Variants in DYSF observed in about 807,000 individuals in gnomAD.
DYSF encodes the protein dysferlin.
In DYSF, 212 loss-of-function variants were observed where a neutral mutation model predicts 274.9. The ratio of observed to expected loss-of-function variants is 0.77; its 90% CI spans 0.69 to 0.86. DYSF has a LOEUF of 0.86. Among genes scored for constraint, DYSF ranks in the 40% least tolerant of loss-of-function variants. The pLI is 0.00. For synonymous variants in DYSF, 1,091 were observed against 1,078.7 expected (o/e 1.01, Z -0.22); for missense variants, 2,666 against 2,783.2 (o/e 0.96, Z 0.95).
chr2:71,657,632 G>A (rs188201200), intron 43 of DYSF, among the ~76,000 whole-genome samples: 47 of 152,222 alleles, frequency 3.1e-4, no homozygotes, highest in African/African-American at 1.0e-3. Context: ...CCAAACCTCA[G>A]TTCTTGACTT....
intron 1 of DYSF, among the ~76,000 whole-genome samples, chr2:71,474,616 GTTTC>G (rs1246596665): frequency 6.6e-6 from 1 of 152,102 alleles, no homozygotes; most frequent in Non-Finnish European, 1.5e-5. Context: ...TGAATGTTTC[GTTTC>G]TTTCTTTCTC....
At chr2:71,514,335 A>G (rs1311135491) in intron 7 of DYSF, among the ~76,000 whole-genome samples, 1 of 152,134 alleles carries the variant, frequency 6.6e-6, no homozygotes, top group East Asian at 1.9e-4. Context: ...GTCTACTCAG[A>G]CCTGCTCTAC....
At chr2:71,461,804 A>G (rs1257012447), upstream of DYSF, among the ~76,000 whole-genome samples, 1 of 152,226 alleles carries the variant, frequency 6.6e-6, no homozygotes, top group African/African-American at 2.4e-5. Flanking sequence ...AGGATGATTT[A>G]GGCTGCAAGC....
chr2:71,543,378 T>G, intron 17 of DYSF, among the ~76,000 whole-genome samples: 2 of 129,328 alleles, frequency 1.5e-5, no homozygotes, highest in African/African-American at 3.0e-5. Context: ...CTTCCCAGAC[T>G]GGGCAGCCGG....
intron 14 of DYSF, 106 bp downstream of exon 14, chr2:71,528,507 T>C: frequency 1.0e-6 from 1 of 970,064 alleles, no homozygotes; most frequent in Admixed American, 2.0e-5. Flanking sequence ...CCACCAGAGG[T>C]GTGTGCACAA....
chr2:71,560,417 G>GCCCCAGCACAGGGCTCCGGCCCCGGCCCC (rs56170138), intron 22 of DYSF, among the ~76,000 whole-genome samples: 1 of 138,784 alleles, frequency 7.2e-6, no homozygotes, highest in Non-Finnish European at 1.5e-5. Context: ...TCCCAGGCAG[G>GCCCCAGCACAGGGCTCCGGCCCCGGCCCC]CCCCCGCCCC....
chr2:71,535,891 A>C (rs1038842962), intron 16 of DYSF, among the ~76,000 whole-genome samples: 16 of 152,214 alleles, frequency 1.1e-4, no homozygotes, highest in Non-Finnish European at 2.1e-4. Flanking sequence ...CCTTGTTCCC[A>C]GCAAGCACTT....
upstream of DYSF, among the ~76,000 whole-genome samples, chr2:71,465,152 T>C (rs77888052): frequency 0.011 from 1,718 of 152,228 alleles, 75 homozygotes; most frequent in East Asian, 0.15. Flanking sequence ...GCCGATGGGA[T>C]GATCCGGTAA....
intron 40 of DYSF, among the ~76,000 whole-genome samples, chr2:71,618,487 T>G: frequency 8.1e-6 from 1 of 122,828 alleles, no homozygotes; most frequent in Non-Finnish European, 1.7e-5. Context: ...GTGTGTGTGG[T>G]AGAGGTGATG....
At chr2:71,454,041 C>T (rs755484132) in exon 1 of DYSF, 1 of 1,614,182 alleles carries the variant, frequency 6.2e-7, no homozygotes, top group African/African-American at 1.3e-5. Flanking sequence ...CGTCCACACA[C>T]CCGACACCGA....
chr2:71,636,861 G>A (rs181979556), intron 41 of DYSF, among the ~76,000 whole-genome samples: 2 of 152,218 alleles, frequency 1.3e-5, no homozygotes, highest in East Asian at 1.9e-4. Flanking sequence ...AGGTGTGGCC[G>A]CTGAGGTGGG....
At position 71,481,859 on chromosome 2, in the gene DYSF, C is replaced by T; in HGVS notation, c.148-20C>T. 3 of 1,610,256 alleles carry T rather than the reference C, an allele frequency of 1.9e-6. No homozygotes were observed. Among genetic ancestry groups the T allele is most frequent in the Non-Finnish European group, 1.7e-6 (2 of 1,176,690 alleles). ...CCTAGAGGGCCATAGGTTAAGATGC[C>T]TTTTCTCTTTTTCTTCCAGGGATTT... On this transcript the variant is annotated intron_variant, in intron 2 of 55. Transcript: ENST00000410020.
intron 14 of DYSF, among the ~76,000 whole-genome samples, chr2:71,533,579 C>T (rs1382267033): frequency 2.0e-5 from 3 of 152,232 alleles, no homozygotes; most frequent in Non-Finnish European, 4.4e-5. Context: ...AATAGCCTCA[C>T]ACATATGTCA....
At chr2:71,638,022 CT>C (rs1208646563) in intron 41 of DYSF, among the ~76,000 whole-genome samples, 16 of 151,808 alleles carry the variant, frequency 1.1e-4, no homozygotes, top group African/African-American at 3.4e-4. Context: ...TCACCTGGAA[CT>C]TTGAAGGAAG....
intron 42 of DYSF, among the ~76,000 whole-genome samples, chr2:71,647,966 A>G (rs2094592986): frequency 6.6e-6 from 1 of 152,252 alleles, no homozygotes; most frequent in African/African-American, 2.4e-5. Context: ...GATTTGATTC[A>G]GAGAAGCAGA....
chr2:71,652,487 C>A (rs1057131143), intron 42 of DYSF, among the ~76,000 whole-genome samples: 1 of 152,070 alleles, frequency 6.6e-6, no homozygotes, highest in African/African-American at 2.4e-5. Flanking sequence ...ACAAAAGAAG[C>A]TTCATGAGGA....
At chr2:71,647,624 G>T (rs1051456567) in intron 42 of DYSF, among the ~76,000 whole-genome samples, 14 of 152,176 alleles carry the variant, frequency 9.2e-5, no homozygotes, top group African/African-American at 3.4e-4. Context: ...AACTGAAATT[G>T]GTTAGAGGCC....
intron 42 of DYSF, among the ~76,000 whole-genome samples, chr2:71,649,802 C>T (rs2094625461): frequency 6.6e-6 from 1 of 152,178 alleles, no homozygotes; most frequent in Non-Finnish European, 1.5e-5. Context: ...TTACATCAGT[C>T]ACTTACTAAT....
chr2:71,663,718 A>G (rs901082358), intron 45 of DYSF, among the ~76,000 whole-genome samples: 9 of 152,170 alleles, frequency 5.9e-5, no homozygotes, highest in South Asian at 2.1e-4. Context: ...TCTTTTCACA[A>G]ATTCTCCCTC....
Sources: allele counts gnomAD v4.1 joint callset (sites outside exome capture counted in the v4.1 genomes callset), GRCh38; gene constraint gnomAD v4.1.1; transcripts MANE v1.5; gene names NCBI Gene and HGNC (gene_info 2026-07-23, HGNC 2026-07-21).